The following PRDM5 variants were observed in gnomAD, a reference collection of about 807,000 sequenced individuals.
PRDM5 encodes the protein PR/SET domain 5.
A neutral mutation model predicts 81.2 loss-of-function variants in PRDM5; 56 were observed. That is an observed-to-expected ratio of 0.69 (90% CI 0.56 to 0.86). The LOEUF (loss-of-function observed/expected upper bound fraction) is 0.86. PRDM5 is among the 40% of genes least tolerant of loss of function. The pLI, the probability that PRDM5 is intolerant of heterozygous loss-of-function variation, is 0.00. For synonymous variants in PRDM5, 267 were observed against 256.4 expected, an observed-to-expected ratio of 1.04 and a Z score of -0.39; for missense variants, 697 against 770.1, an observed-to-expected ratio of 0.91 and a Z score of 1.12.
At chr4:120,803,002 A>C (rs948258103) in intron 8 of PRDM5, among the ~76,000 whole-genome samples, 1 of 152,188 alleles carries the variant, frequency 6.6e-6, no homozygotes, top group African/African-American at 2.4e-5. Flanking sequence ...CAGTGTAGGG[A>C]AGTCCTTAAA....
chr4:120,759,505 C>T (rs1169225999), intron 13 of PRDM5, among the ~76,000 whole-genome samples: 1 of 152,120 alleles, frequency 6.6e-6, no homozygotes, highest in South Asian at 2.1e-4. Context: ...AGTCATTTTC[C>T]TAATTTGCAT....
intron 2 of PRDM5, among the ~76,000 whole-genome samples, chr4:120,860,614 GAA>G (rs75829066): frequency 7.1e-6 from 1 of 140,404 alleles, no homozygotes. Context: ...TCCCTTCTTG[GAA>G]AAAAAAAAAA....
chr4:120,848,029 T>A (rs1044001907), intron 3 of PRDM5, among the ~76,000 whole-genome samples: 1 of 152,306 alleles, frequency 6.6e-6, no homozygotes, highest in Admixed American at 6.5e-5. Flanking sequence ...TTTCAAGAGA[T>A]CTAAATGTTA....
intron 10 of PRDM5, 86 bp downstream of exon 10, chr4:120,798,181 G>T: frequency 1.9e-6 from 2 of 1,045,436 alleles, no homozygotes. Flanking sequence ...GTAGGCCCCA[G>T]ATGTACAAAA....
chr4:120,707,455 T>C lies in PRDM5; in HGVS notation c.1728+2854A>G, dbSNP rs1736353542. Among the ~76,000 whole-genome samples the C allele has an allele frequency of 2.0e-5, 3 of 151,638 alleles. No individual in the cohort carries two copies. In the South Asian group the frequency reaches 6.2e-4, roughly 31 times the overall value. ...TTCTCAACAAAATAAAGGGCATTTA[T>C]GAAAAACCCACTATATTCAATAGTG... On this transcript the variant is annotated intron_variant, in intron 15 of 15. Coordinates refer to ENST00000264808, the MANE Select transcript of PRDM5 (RefSeq NM_018699.4).
At chr4:120,751,898 G>T (rs1310217323) in intron 14 of PRDM5, among the ~76,000 whole-genome samples, 1 of 152,128 alleles carries the variant, frequency 6.6e-6, no homozygotes, top group African/African-American at 2.4e-5. Flanking sequence ...GTACCTTACT[G>T]AATTAGATAG....
chr4:120,853,298 A>G lies in PRDM5; in HGVS notation c.300+120T>C, dbSNP rs184950111. The G allele has an allele frequency of 1.2e-5, 18 of 1,448,906 alleles. 2 individuals carry two copies. The African/African-American group carries it at 2.1e-4, about 17-fold the overall frequency. The allele number at this position is 1,448,906 out of a possible 1,614,324, so 89.8% of individuals were successfully genotyped here. ...GACTAGATGAGATTTCTCTGCTTTT[A>G]TGAGTTACTGTTATTTGAAGGAGGT... is the stretch of plus-strand genomic sequence containing the variant. On this transcript the variant is annotated intron_variant, in intron 3 of 15. Transcript: ENST00000264808.
At chr4:120,847,934 A>T (rs1758842806) in intron 3 of PRDM5, among the ~76,000 whole-genome samples, 1 of 152,154 alleles carries the variant, frequency 6.6e-6, no homozygotes, top group Non-Finnish European at 1.5e-5. Flanking sequence ...AGGCACAGAA[A>T]GTCCCACCTA....
intron 10 of PRDM5, among the ~76,000 whole-genome samples, chr4:120,791,710 C>T (rs754625978): frequency 1.5e-4 from 23 of 152,178 alleles, no homozygotes; most frequent in Non-Finnish European, 2.6e-4. Context: ...ACTCTCACTG[C>T]TATGGACTCA....
At chr4:120,824,955 A>G (rs1410575024) in intron 3 of PRDM5, among the ~76,000 whole-genome samples, 4 of 152,172 alleles carry the variant, frequency 2.6e-5, no homozygotes, top group Non-Finnish European at 4.4e-5. Context: ...TAATTTTCCT[A>G]GAATTAATTA....
At chr4:120,841,201 G>A (rs1011778182) in intron 3 of PRDM5, among the ~76,000 whole-genome samples, 4 of 152,146 alleles carry the variant, frequency 2.6e-5, no homozygotes, top group Admixed American at 2.0e-4. Flanking sequence ...TTATCAGAGT[G>A]AAATATACTT....
intron 3 of PRDM5, among the ~76,000 whole-genome samples, chr4:120,846,712 T>G (rs1382619912): frequency 1.3e-5 from 2 of 152,170 alleles, no homozygotes; most frequent in Admixed American, 1.3e-4. Flanking sequence ...TCTCATTTAA[T>G]TTAGTCCTCA....
intron 3 of PRDM5, among the ~76,000 whole-genome samples, chr4:120,834,708 G>T (rs540422529): frequency 6.6e-6 from 1 of 152,104 alleles, no homozygotes. Context: ...CAGTAAAGCA[G>T]ATTACCCTAA....
At chr4:120,876,306 G>A (rs1045077782) in intron 2 of PRDM5, among the ~76,000 whole-genome samples, 2 of 152,136 alleles carry the variant, frequency 1.3e-5, no homozygotes, top group African/African-American at 4.8e-5. Flanking sequence ...ACTTCCCCAA[G>A]AAAACTTTAG....
At chr4:120,801,160 A>G (rs1752066140) in intron 8 of PRDM5, among the ~76,000 whole-genome samples, 1 of 152,224 alleles carries the variant, frequency 6.6e-6, no homozygotes, top group Non-Finnish European at 1.5e-5. Flanking sequence ...CCAGCTCACA[A>G]TACTAAACCC....
chr4:120,777,983 T>G (rs1382469729), intron 12 of PRDM5, among the ~76,000 whole-genome samples: 7 of 152,110 alleles, frequency 4.6e-5, no homozygotes, highest in Non-Finnish European at 1.0e-4. Flanking sequence ...CATTTTAAAC[T>G]GGCCCTACAG....
At chr4:120,751,042 G>T (rs1055905732) in intron 14 of PRDM5, among the ~76,000 whole-genome samples, 1 of 152,118 alleles carries the variant, frequency 6.6e-6, no homozygotes, top group Admixed American at 6.5e-5. Flanking sequence ...AAGTGTAATA[G>T]TATCTGTTTT....
At chr4:120,845,747 C>T (rs764434753) in intron 3 of PRDM5, among the ~76,000 whole-genome samples, 1 of 152,198 alleles carries the variant, frequency 6.6e-6, no homozygotes, top group Non-Finnish European at 1.5e-5. Flanking sequence ...CTTCATAAGG[C>T]TATTGCTGTC....
rs369756710 is a variant in PRDM5, at chr4:120,764,909, T to C, written c.1538-10271A>G. On this transcript the variant is annotated intron_variant, in intron 13 of 15. Coordinates refer to ENST00000264808, the MANE Select transcript of PRDM5 (RefSeq NM_018699.4). ...GCAAAATAAGTTCTCTCTCAACATA[T>C]GGAGGTCATCTAATTCTTATTAAAA... 1.1e-4 allele frequency among the ~76,000 whole-genome samples: 16 copies of C among 152,306 alleles called. No homozygotes were observed. The East Asian group carries it at 3.1e-3, about 29-fold the overall frequency.
Sources: allele counts gnomAD v4.1 joint callset (sites outside exome capture counted in the v4.1 genomes callset), GRCh38; gene constraint gnomAD v4.1.1; transcripts MANE v1.5; gene names NCBI Gene and HGNC (gene_info 2026-07-23, HGNC 2026-07-21).